Variants in ZC3H11A observed in about 807,000 individuals in gnomAD.
The protein encoded by ZC3H11A is zinc finger CCCH domain-containing protein 11A.
ZC3H11A carries 22 observed loss-of-function variants against 90.8 expected under a neutral mutation model. The observed-to-expected ratio is 0.24, with a 90% CI of 0.17 to 0.35. The LOEUF (loss-of-function observed/expected upper bound fraction) is 0.35. Ranked by LOEUF, ZC3H11A falls within the 10% of genes least tolerant of loss-of-function variation. The pLI is 1.00. For missense variants in ZC3H11A, 701 were observed against 964.9 expected, an observed-to-expected ratio of 0.73 and a Z score of 3.62; for synonymous variants, 294 against 339.8, an observed-to-expected ratio of 0.87 and a Z score of 1.48.
At chr1:203,836,691 G>A (rs1684449423) in intron 10 of ZC3H11A, among the ~76,000 whole-genome samples, 1 of 152,216 alleles carries the variant, frequency 6.6e-6, no homozygotes, top group South Asian at 2.1e-4. Context: ...TAGGAGAATC[G>A]CTTGAACCCG....
chr1:203,826,312 TA>T (rs1680502792), intron 4 of ZC3H11A, among the ~76,000 whole-genome samples: 1 of 151,582 alleles, frequency 6.6e-6, no homozygotes, highest in African/African-American at 2.4e-5. Context: ...CCTATACTTT[TA>T]AAAAATATTA....
rs1172626934 is a variant in ZC3H11A, at chr1:203,847,715, C to T, written c.1546+28C>T. ...AACAAGAGAACTTGGTCTCTAGTACCACGTCCCCACATAATATTCCAGAGG... is the reference window on the plus strand; with the variant it reads ...AACAAGAGAACTTGGTCTCTAGTACTACGTCCCCACATAATATTCCAGAGG... On this transcript the variant is annotated intron_variant, in intron 13 of 17. Coordinates refer to ENST00000367210, the MANE Select transcript of ZC3H11A (RefSeq NM_001376342.1). The T allele has an allele frequency of 1.9e-6, 3 of 1,597,880 alleles. No homozygotes were observed. The South Asian group carries it at 3.4e-5, about 18-fold the overall frequency.
chr1:203,839,205 TTTTTG>T lies in ZC3H11A; in HGVS notation c.974-1087_974-1083del, dbSNP rs759340523. Among the ~76,000 whole-genome samples, 6 of 152,222 alleles carry T rather than the reference TTTTTG, an allele frequency of 3.9e-5. No homozygotes were observed. The East Asian group carries it at 9.6e-4, about 24-fold the overall frequency. On this transcript the variant is annotated intron_variant, in intron 11 of 17. Transcript: ENST00000367210. ...AATCAAGAGATAGCTGGGAGTTAGA[TTTTTG>T]TTTTGTTTTGTTTGTTTAAAGACAA...
rs1681544770 is a variant in ZC3H11A, at chr1:203,829,379, G to T, written c.299-72G>T. On this transcript the variant is annotated intron_variant, in intron 5 of 17. Transcript: ENST00000367210. Reference sequence around the variant, plus strand: ...GACAAATACACTATAGTTTTCATAGGTGGTCAGGAATTTTTGGTAAGTTGG... The same window carrying T: ...GACAAATACACTATAGTTTTCATAGTTGGTCAGGAATTTTTGGTAAGTTGG... The T allele has an allele frequency of 8.1e-6, 12 of 1,476,186 alleles. No individual in the cohort carries two copies. In the South Asian group the frequency reaches 1.3e-4, roughly 15 times the overall value. 91.4% of individuals were successfully genotyped at this position (1,476,186 alleles called of 1,614,324 possible).
chr1:203,819,529 A>ATTTTTTTTTTTTTTT lies in ZC3H11A; in HGVS notation c.174+848_174+862dup, dbSNP rs755259647. ...GAGCCACCGTGCCCAGCTGACTCCA[A>ATTTTTTTTTTTTTTT]TTTTTTTTTTTTTTTTTTTTTTGAG... On this transcript the variant is annotated intron_variant, in intron 4 of 17. Transcript: ENST00000367210. Among the ~76,000 whole-genome samples, 59 of 72,872 alleles carry ATTTTTTTTTTTTTTT rather than the reference A, an allele frequency of 8.1e-4. 1 individual carries two copies. Among genetic ancestry groups the ATTTTTTTTTTTTTTT allele is most frequent in the African/African-American group, 2.8e-3 (49 of 17,402 alleles). 47.8% of individuals were successfully genotyped at this position (72,872 alleles called of 152,430 possible).
chr1:203,840,294 T>G lies in ZC3H11A; in HGVS notation c.974-12T>G, dbSNP rs1685704685. ...TTCAACTTTTGATTTTTGAAAATCT[T>G]TCTTTTCACAGCTCAAGTTTCCAAG... On this transcript the variant is annotated splice_polypyrimidine_tract_variant and intron_variant, in intron 11 of 17. Transcript: ENST00000367210. The G allele has an allele frequency of 6.2e-7, 1 of 1,611,634 alleles. No homozygotes were observed. The highest frequency in any genetic ancestry group is 1.3e-5 in the African/African-American group (1 of 74,788).
Position 203,837,998 on chromosome 1 carries a change from C to T in ZC3H11A, c.907C>T (p.Leu303=). 1 of 1,614,110 alleles carries T rather than the reference C, an allele frequency of 6.2e-7. No individual in the cohort carries two copies. The change falls in exon 11 of 18, where the codon CTG becomes TTG. Residue 303 remains leucine (L), a synonymous_variant. Coordinates refer to ENST00000367210, the MANE Select transcript of ZC3H11A (RefSeq NM_001376342.1). The part of the protein sequence containing the change: ...GDSDPPLKRS[L]AQRLGKKVEA... The stretch of plus-strand genomic sequence containing the variant: ...CAGTGATCCTCCATTAAAGCGTAGC[C>T]TGGCACAGAGGCTAGGGAAGAAAGT...
chr1:203,822,151 T>C (rs935300141), intron 4 of ZC3H11A, among the ~76,000 whole-genome samples: 1 of 152,190 alleles, frequency 6.6e-6, no homozygotes, highest in Non-Finnish European at 1.5e-5. Context: ...TCTAGACTTC[T>C]CCTTTTCCAT....
intron 1 of ZC3H11A, chr1:203,796,369 T>A (rs982307812): frequency 2.0e-5 from 8 of 398,300 alleles, no homozygotes; most frequent in Non-Finnish European, 2.7e-5. Flanking sequence ...CCTACACCCA[T>A]TCCCCACTCT....
chr1:203,821,287 A>T (rs66989691), intron 4 of ZC3H11A, among the ~76,000 whole-genome samples: 1 of 151,984 alleles, frequency 6.6e-6, no homozygotes, highest in Non-Finnish European at 1.5e-5. Context: ...CTCCCCAGCC[A>T]TGCAGAACTG....
chr1:203,828,254 G>GTATC lies in ZC3H11A; in HGVS notation c.175-44_175-41dup, dbSNP rs1227880822. The GTATC allele has an allele frequency of 1.9e-6, 3 of 1,610,814 alleles. No homozygotes were observed. The African/African-American group carries it at 4.0e-5, about 22-fold the overall frequency. On this transcript the variant is annotated intron_variant, in intron 4 of 17. Transcript: ENST00000367210. ...AAAACAAACTGCCACATGAATATACGTATCACTGTTTTATTTGAAAGCAAT... is the reference window on the plus strand; with the variant it reads ...AAAACAAACTGCCACATGAATATACGTATCTATCACTGTTTTATTTGAAAGCAAT...
chr1:203,840,366 A>G lies in ZC3H11A; in HGVS notation c.1034A>G (p.Asp345Gly). The G allele has an allele frequency of 6.2e-7, 1 of 1,612,700 alleles. No individual in the cohort carries two copies. Among genetic ancestry groups the G allele is most frequent in the Non-Finnish European group, 8.5e-7 (1 of 1,179,124 alleles). The change falls in exon 12 of 18, where the codon GAT (aspartate) becomes GGT (glycine). Residue 345 changes from aspartate (D) to glycine (G), a missense_variant. By Grantham distance (94) the Asp-to-Gly change is moderately conservative. Transcript: ENST00000367210. ...ATGTCAGCTGATCCAGATAATGAGG[A>G]TGCAACAGGTAAGTAAATCCTAAGA... Reference protein sequence around the residue: ...LGMSADPDNEDATDKVNKVGE... With the variant: ...LGMSADPDNEGATDKVNKVGE...
intron 15 of ZC3H11A, 89 bp downstream of exon 15, chr1:203,850,115 G>T: frequency 8.2e-7 from 1 of 1,225,364 alleles, no homozygotes; most frequent in South Asian, 1.4e-5. Flanking sequence ...GGCAACAATT[G>T]GGTTGAATTT....
chr1:203,823,094 G>A (rs1679319391), intron 4 of ZC3H11A, among the ~76,000 whole-genome samples: 1 of 152,000 alleles, frequency 6.6e-6, no homozygotes, highest in Admixed American at 6.6e-5. Flanking sequence ...AGTCAATGTT[G>A]TAACATTTTT....
rs1298960226 is a variant in ZC3H11A at position 203,806,608 on chromosome 1, C to A, written c.-146+3592C>A. 2.0e-5 allele frequency among the ~76,000 whole-genome samples: 3 copies of A among 152,172 alleles called. No individual in the cohort carries two copies. In the South Asian group the frequency reaches 6.2e-4, roughly 32 times the overall value. ...ATGAGCCACCGTGCCCGGCCTAACA[C>A]CTTTTTTTCTTAATGCATATACTAG... On this transcript the variant is annotated intron_variant, in intron 2 of 17. Coordinates refer to ENST00000367210, the MANE Select transcript of ZC3H11A (RefSeq NM_001376342.1).
intron 10 of ZC3H11A, 50 bp from the exon 11 acceptor site, chr1:203,837,916 C>A: frequency 6.4e-7 from 1 of 1,553,146 alleles, no homozygotes; most frequent in Non-Finnish European, 8.8e-7. Flanking sequence ...ATTTCTTGTC[C>A]TTGCTGAAGA....
At position 203,828,239 on chromosome 1, in the gene ZC3H11A, G is replaced by C; in HGVS notation, c.175-60G>C. On this transcript the variant is annotated intron_variant, in intron 4 of 17. Transcript: ENST00000367210. ...ATGAACTTTGTCTAGAAAACAAACT[G>C]CCACATGAATATACGTATCACTGTT... The C allele has an allele frequency of 1.9e-6, 3 of 1,599,602 alleles. No individual in the cohort carries two copies. The South Asian group carries it at 3.4e-5, about 18-fold the overall frequency.
intron 11 of ZC3H11A, 76 bp from the exon 12 acceptor site, chr1:203,840,230 T>G: frequency 6.9e-7 from 1 of 1,443,610 alleles, no homozygotes; most frequent in Non-Finnish European, 9.7e-7. Flanking sequence ...TATGCCACCA[T>G]GCCCAGCAAA....
chr1:203,837,668 A>G lies in ZC3H11A; in HGVS notation c.875-298A>G, dbSNP rs1684807799. On this transcript the variant is annotated intron_variant, in intron 10 of 17. Coordinates refer to ENST00000367210, the MANE Select transcript of ZC3H11A (RefSeq NM_001376342.1). Reference sequence around the variant, plus strand: ...TTTTATTTTAATTGTTTTAGAGACAAGGTCTTGCTGTGTTGCCCAGGCTGG... The same window carrying G: ...TTTTATTTTAATTGTTTTAGAGACAGGGTCTTGCTGTGTTGCCCAGGCTGG... 6.6e-6 allele frequency among the ~76,000 whole-genome samples: 1 copy of G among 151,956 alleles called. No individual in the cohort carries two copies. Among genetic ancestry groups the G allele is most frequent in the African/African-American group, 2.4e-5 (1 of 41,390 alleles).
Sources: allele counts gnomAD v4.1 joint callset (sites outside exome capture counted in the v4.1 genomes callset), GRCh38; gene constraint gnomAD v4.1.1; transcripts MANE v1.5; gene names NCBI Gene and HGNC (gene_info 2026-07-23, HGNC 2026-07-21).